Variants in CTIF observed in about 807,000 individuals in gnomAD.
CTIF encodes the protein cap binding complex dependent translation initiation factor.
In CTIF, 21 loss-of-function variants were observed where a neutral mutation model predicts 66.0. The ratio of observed to expected loss-of-function variants is 0.32; its 90% CI spans 0.23 to 0.46. The LOEUF (loss-of-function observed/expected upper bound fraction) is 0.46. Ranked by LOEUF, CTIF falls within the 20% of genes least tolerant of loss-of-function variation. The probability of loss-of-function intolerance (pLI) is 1.00; values close to 1 mark genes in which losing one functional copy is unlikely to be tolerated. For missense variants in CTIF, 739 were observed against 812.7 expected (o/e 0.91, Z 1.10); for synonymous variants, 345 against 326.4 (o/e 1.06, Z -0.62).
At chr18:48,765,701 CA>C (rs989099055) in intron 9 of CTIF, among the ~76,000 whole-genome samples, 1 of 152,176 alleles carries the variant, frequency 6.6e-6, no homozygotes, top group Non-Finnish European at 1.5e-5. Context: ...CCAGACTCAA[CA>C]CTGCTATCTC....
At chr18:48,779,401 T>C (rs1911000557) in intron 9 of CTIF, among the ~76,000 whole-genome samples, 1 of 152,170 alleles carries the variant, frequency 6.6e-6, no homozygotes, top group Non-Finnish European at 1.5e-5. Flanking sequence ...CAGACAGAAC[T>C]GGAGCCAAGT....
intron 1 of CTIF, among the ~76,000 whole-genome samples, chr18:48,556,326 A>C (rs1254270644): frequency 6.6e-6 from 1 of 152,196 alleles, no homozygotes; most frequent in African/African-American, 2.4e-5. Context: ...TTGGCTCTGC[A>C]TAAAGCTCAC....
chr18:48,605,738 A>T (rs2090189386), intron 1 of CTIF, among the ~76,000 whole-genome samples: 1 of 150,736 alleles, frequency 6.6e-6, no homozygotes, highest in Admixed American at 6.6e-5. Flanking sequence ...CTCTTAGGTC[A>T]CAGAGGCCCA....
chr18:48,823,039 G>A (rs1292968463), intron 10 of CTIF, among the ~76,000 whole-genome samples: 1 of 152,064 alleles, frequency 6.6e-6, no homozygotes, highest in Non-Finnish European at 1.5e-5. Context: ...AGTTTTAGGA[G>A]TTCCTTATAT....
chr18:48,717,347 G>A (rs9963864), intron 7 of CTIF, among the ~76,000 whole-genome samples: 1,682 of 151,870 alleles, frequency 0.011, 26 homozygotes, highest in African/African-American at 0.037. Context: ...GCAGTGAGCC[G>A]AGATCACGCC....
chr18:48,611,570 G>A (rs113367434), intron 1 of CTIF, among the ~76,000 whole-genome samples: 6 of 152,374 alleles, frequency 3.9e-5, no homozygotes, highest in African/African-American at 1.4e-4. Context: ...TTCAAGTGTA[G>A]TTCTCTGACT....
chr18:48,565,073 A>G (rs2089249269), intron 1 of CTIF: 1 of 148,360 alleles, frequency 6.7e-6, no homozygotes, highest in East Asian at 2.0e-4. Flanking sequence ...CAATTGGTTG[A>G]TCCATGGTCA....
intron 1 of CTIF, among the ~76,000 whole-genome samples, chr18:48,544,645 G>A (rs2088702566): frequency 6.6e-6 from 1 of 152,246 alleles, no homozygotes; most frequent in South Asian, 2.1e-4. Context: ...TGGTTTCATG[G>A]ATGAGGTGAA....
intron 6 of CTIF, among the ~76,000 whole-genome samples, chr18:48,680,948 G>A (rs1468177810): frequency 6.6e-6 from 1 of 152,234 alleles, no homozygotes; most frequent in African/African-American, 2.4e-5. Flanking sequence ...TGGGAGCAGT[G>A]GTGGTGGAGG....
At chr18:48,731,869 A>C (rs939075672) in intron 7 of CTIF, among the ~76,000 whole-genome samples, 4 of 152,386 alleles carry the variant, frequency 2.6e-5, no homozygotes, top group Admixed American at 2.6e-4. Context: ...CAGGTTTTGC[A>C]GGCCATAGGG....
At chr18:48,584,828 G>C (rs1380905388) in intron 1 of CTIF, among the ~76,000 whole-genome samples, 1 of 152,162 alleles carries the variant, frequency 6.6e-6, no homozygotes, top group Non-Finnish European at 1.5e-5. Flanking sequence ...TCCCCTCTTA[G>C]TGTATTATCA....
chr18:48,785,603 C>G (rs1911634592), intron 9 of CTIF, among the ~76,000 whole-genome samples: 1 of 151,892 alleles, frequency 6.6e-6, no homozygotes, highest in African/African-American at 2.4e-5. Context: ...AGTGAGACTC[C>G]CCAGAGACCA....
At chr18:48,817,786 AAAG>A (rs1219723859) in intron 10 of CTIF, among the ~76,000 whole-genome samples, 7 of 151,560 alleles carry the variant, frequency 4.6e-5, no homozygotes, top group Non-Finnish European at 1.0e-4. Context: ...AAAAAAAAAA[AAAG>A]GGGGCCCATC....
chr18:48,838,955 T>G (rs2068874725), intron 10 of CTIF, among the ~76,000 whole-genome samples: 1 of 152,116 alleles, frequency 6.6e-6, no homozygotes. Context: ...GGAACCTGTC[T>G]TCTGCTCCCC....
chr18:48,569,895 C>G (rs1022438334), intron 1 of CTIF, among the ~76,000 whole-genome samples: 2 of 152,238 alleles, frequency 1.3e-5, no homozygotes, highest in Non-Finnish European at 2.9e-5. Flanking sequence ...TCTATTCCAG[C>G]AGCAATCTTA....
intron 1 of CTIF, among the ~76,000 whole-genome samples, chr18:48,573,950 G>C (rs1487143951): frequency 6.6e-6 from 1 of 152,222 alleles, no homozygotes; most frequent in Non-Finnish European, 1.5e-5. Context: ...TACCCAGGGG[G>C]AAGGCAGTCG....
intron 9 of CTIF, among the ~76,000 whole-genome samples, chr18:48,767,080 C>G (rs867301802): frequency 1.3e-5 from 2 of 152,172 alleles, no homozygotes; most frequent in African/African-American, 4.8e-5. Context: ...ACCAAGGTTC[C>G]CAACTTCTCT....
At chr18:48,621,280 A>G (rs1287698267) in intron 2 of CTIF, among the ~76,000 whole-genome samples, 3 of 135,016 alleles carry the variant, frequency 2.2e-5, no homozygotes, top group Non-Finnish European at 3.2e-5. Flanking sequence ...GGAAGCTGGC[A>G]TGGAGGGGAG....
intron 1 of CTIF, among the ~76,000 whole-genome samples, chr18:48,600,442 T>C (rs2144122652): frequency 6.6e-6 from 1 of 152,258 alleles, no homozygotes; most frequent in African/African-American, 2.4e-5. Flanking sequence ...CTGGGCAGGA[T>C]TTCCTATGCT....
Sources: allele counts gnomAD v4.1 joint callset (sites outside exome capture counted in the v4.1 genomes callset), GRCh38; gene constraint gnomAD v4.1.1; transcripts MANE v1.5; gene names NCBI Gene and HGNC (gene_info 2026-07-23, HGNC 2026-07-21).